The following DDX23 variants were observed in gnomAD, a reference collection of about 807,000 sequenced individuals.
The protein encoded by DDX23 is DEAD-box helicase 23.
DDX23 carries 33 observed loss-of-function variants against 102.7 expected under a neutral mutation model. The observed-to-expected ratio is 0.32, with a 90% CI of 0.24 to 0.43. The LOEUF (loss-of-function observed/expected upper bound fraction) is 0.43. Among genes scored for constraint, DDX23 ranks in the 20% least tolerant of loss-of-function variants. The probability of loss-of-function intolerance (pLI) is 1.00; values close to 1 mark genes in which losing one functional copy is unlikely to be tolerated. For synonymous variants in DDX23, 352 were observed against 376.0 expected (o/e 0.94, Z 0.74); for missense variants, 549 against 1,086.6 (o/e 0.51, Z 6.96).
At chr12:48,843,840 GC>G (rs781572379) in intron 3 of DDX23, 99 bp downstream of exon 3, 5 of 1,331,406 alleles carry the variant, frequency 3.8e-6, no homozygotes, top group Non-Finnish European at 5.4e-6. Flanking sequence ...GAGCCACCAC[GC>G]CTGGCGAGAA....
At chr12:48,848,308 C>A (rs762969232) in intron 1 of DDX23, among the ~76,000 whole-genome samples, 1,325 of 119,674 alleles carry the variant, frequency 0.011, 11 homozygotes, top group African/African-American at 0.024. Context: ...AAACAAAAAA[C>A]AAAAAAAAAA....
chr12:48,836,718 C>T lies in DDX23; in HGVS notation c.1087G>A (p.Asp363Asn). 6.2e-7 allele frequency: 1 copy of T among 1,614,248 alleles called. No homozygotes were observed. Among genetic ancestry groups the T allele is most frequent in the South Asian group, 1.1e-5 (1 of 91,086 alleles). ...CGCCAGTCCCTGTCCGTCATCTCAT[C>T]TAACTTTTTCTGAGACCAATGACGA... is the stretch of plus-strand genomic sequence containing the variant. Reference protein sequence around the residue: ...DDRHWSQKKLDEMTDRDWRIF... With the variant: ...DDRHWSQKKLNEMTDRDWRIF... Residue 363 changes from aspartate to asparagine, a missense_variant, in exon 10 of 17, where the codon GAT (aspartate) becomes AAT (asparagine). Around this residue, in one of 4 missense-constraint regions of DDX23, gnomAD observed 270 missense variants for 707.0 expected, o/e 0.38. Transcript: ENST00000308025. The surrounding 1 kb of genome is among the most constrained non-coding windows in gnomAD (Gnocchi z 6.1).
intron 1 of DDX23, among the ~76,000 whole-genome samples, chr12:48,848,143 G>A (rs565343682): frequency 8.5e-5 from 13 of 152,128 alleles, no homozygotes; most frequent in Admixed American, 2.0e-4. Flanking sequence ...AAAATTAGCC[G>A]GGCGTGGTGG....
At position 48,836,951 on chromosome 12, in the gene DDX23, C is replaced by A. The variant is rs756597918; in HGVS notation, c.953G>T (p.Arg318Leu). 6.2e-7 allele frequency: 1 copy of A among 1,614,024 alleles called. No individual in the cohort carries two copies. Among genetic ancestry groups the A allele is most frequent in the African/African-American group, 1.3e-5 (1 of 75,032 alleles). Residue 318 changes from arginine to leucine, a missense_variant, in exon 9 of 17, where the codon CGT (arginine) becomes CTT (leucine). Coordinates refer to ENST00000308025, the MANE Select transcript of DDX23 (RefSeq NM_004818.3). This position sits in a 1 kb window ranked among gnomAD's most constrained non-coding sequence, Gnocchi z 6.1. Reference protein sequence around the residue: ...DLKQQKREQSRFYGDLMEKRR... With the variant: ...DLKQQKREQSLFYGDLMEKRR... The stretch of plus-strand genomic sequence containing the variant: ...CTTCTCCATTAGGTCTCCATAGAAA[C>A]GTGACTGCTCTCGCTTCTGCTGCTT...
Position 48,836,830 on chromosome 12 carries a change from C to T in DDX23, c.1011-36G>A, listed in dbSNP as rs748786688. 80 of 1,612,568 alleles carry T rather than the reference C, an allele frequency of 5.0e-5. No homozygotes were observed. Among genetic ancestry groups the T allele is most frequent in the Non-Finnish European group, 6.7e-5 (79 of 1,178,928 alleles). On this transcript the variant is annotated intron_variant, in intron 9 of 16. Coordinates refer to ENST00000308025, the MANE Select transcript of DDX23 (RefSeq NM_004818.3). The surrounding 1 kb of genome is among the most constrained non-coding windows in gnomAD (Gnocchi z 6.1). ...GTGTGAGGAGTAAGTAGAATCAGTG[C>T]CCTCCAACTCCTTTCTGTAGAGCCT...
At position 48,834,414 on chromosome 12, in the gene DDX23, A is replaced by G; in HGVS notation, c.1466T>C (p.Ile489Thr). The change falls in exon 12 of 17, where the codon ATC (isoleucine) becomes ACC (threonine). Residue 489 changes from isoleucine to threonine, a missense_variant. This residue lies in a region of DDX23 where 270 missense variants were observed against 707.0 expected (regional missense o/e 0.38). Coordinates refer to ENST00000308025, the MANE Select transcript of DDX23 (RefSeq NM_004818.3). Reference sequence around the variant, plus strand: ...GATACCTAGCGGTTTCCCAAACTTGATGGTCTCTTCCTCAATCTGTTGAGC... The same window carrying G: ...GATACCTAGCGGTTTCCCAAACTTGGTGGTCTCTTCCTCAATCTGTTGAGC... The part of the protein sequence containing the change: ...ELAQQIEEET[I>T]KFGKPLGIRT... 1 of 1,614,108 alleles carries G rather than the reference A, an allele frequency of 6.2e-7. No homozygotes were observed. Among genetic ancestry groups the G allele is most frequent in the Non-Finnish European group, 8.5e-7 (1 of 1,180,020 alleles).
In DDX23 at chr12:48,840,005, T is replaced by C; in HGVS notation, c.414+8A>G. On this transcript the variant is annotated splice_region_variant and intron_variant, in intron 4 of 16. Transcript: ENST00000308025. ...TTGAAGATGAAAAATATCCTTCCTC[T>C]CCTTTACCTTAGGCTTCTTATCACC... The C allele has an allele frequency of 6.2e-7, 1 of 1,613,536 alleles. No homozygotes were observed. The highest frequency in any genetic ancestry group is 1.3e-5 in the African/African-American group (1 of 75,034).
intron 1 of DDX23, among the ~76,000 whole-genome samples, chr12:48,847,890 GT>G (rs1938694208): frequency 6.6e-6 from 1 of 152,206 alleles, no homozygotes; most frequent in African/African-American, 2.4e-5. Context: ...TATTTTCTCT[GT>G]ACAGCATCCT....
intron 1 of DDX23, 123 bp from the exon 2 acceptor site, chr12:48,845,905 T>C (rs1454314737): frequency 1.9e-6 from 2 of 1,076,950 alleles, no homozygotes; most frequent in African/African-American, 3.2e-5. Context: ...ACCGTACAGA[T>C]GAGAACGGTG....
Position 48,836,333 on chromosome 12 carries a change from G to A in DDX23, c.1237-67C>T. On this transcript the variant is annotated intron_variant, in intron 10 of 16. Transcript: ENST00000308025. The surrounding 1 kb of genome is among the most constrained non-coding windows in gnomAD (Gnocchi z 6.1). ...TATACCACCTGGGCAACCACTGATAGTAGTAAGCACATCTGCTAGCACAAT... is the reference window on the plus strand; with the variant it reads ...TATACCACCTGGGCAACCACTGATAATAGTAAGCACATCTGCTAGCACAAT... 1.3e-6 allele frequency: 2 copies of A among 1,557,596 alleles called. No individual in the cohort carries two copies. The highest frequency in any genetic ancestry group is 2.3e-5 in the East Asian group (1 of 44,366).
At position 48,839,662 on chromosome 12, in the gene DDX23, A is replaced by G. The variant is rs980136706; in HGVS notation, c.480+182T>C. 1.3e-5 allele frequency: 8 copies of G among 608,688 alleles called. No individual in the cohort carries two copies. In the African/African-American group the frequency reaches 1.5e-4, roughly 11 times the overall value. The allele number at this position is 608,688 out of a possible 1,614,324, so 37.7% of individuals were successfully genotyped here. A position where few individuals can be genotyped will look rare whatever the true frequency, so the allele number is the denominator to read the frequency against. ...GGAGGACCATGTGAAGAGCTGAGGA[A>G]GAAGACAGCCTTATAAGCCAAGGAG... On this transcript the variant is annotated intron_variant, in intron 5 of 16. Coordinates refer to ENST00000308025, the MANE Select transcript of DDX23 (RefSeq NM_004818.3).
intron 11 of DDX23, 23 bp from the exon 12 acceptor site, chr12:48,834,520 C>T (rs200149248): frequency 1.2e-6 from 2 of 1,605,006 alleles, no homozygotes; most frequent in South Asian, 1.1e-5. Flanking sequence ...GGGTGCCCCA[C>T]AGCTTCGTGA....
At chr12:48,840,830 G>GC (rs1938538417) in intron 3 of DDX23, among the ~76,000 whole-genome samples, 2 of 151,772 alleles carry the variant, frequency 1.3e-5, no homozygotes, top group South Asian at 4.2e-4. Flanking sequence ...TAGGATTACA[G>GC]GTGTGAGCCA....
intron 3 of DDX23, among the ~76,000 whole-genome samples, chr12:48,840,803 T>A (rs1403484149): frequency 6.6e-6 from 1 of 150,574 alleles, no homozygotes; most frequent in African/African-American, 2.5e-5. Context: ...TACATCCACC[T>A]CGGCCACCCA....
At chr12:48,842,214 G>C (rs919142440) in intron 3 of DDX23, among the ~76,000 whole-genome samples, 2 of 151,308 alleles carry the variant, frequency 1.3e-5, no homozygotes, top group Non-Finnish European at 3.0e-5. Context: ...GCCCCGTCCA[G>C]GAGGGAGGTG....
At chr12:48,849,236 C>T (rs559105394) in intron 1 of DDX23, among the ~76,000 whole-genome samples, 1 of 152,196 alleles carries the variant, frequency 6.6e-6, no homozygotes, top group African/African-American at 2.4e-5. Flanking sequence ...GTGGCTCATG[C>T]CTGTAGTACC....
intron 1 of DDX23, among the ~76,000 whole-genome samples, chr12:48,851,811 T>C (rs1747407364): frequency 6.6e-6 from 1 of 152,182 alleles, no homozygotes; most frequent in Non-Finnish European, 1.5e-5. Context: ...CATGAAAGAA[T>C]AAGGTCAGAC....
chr12:48,834,376 C>T lies in DDX23; in HGVS notation c.1504G>A (p.Val502Ile), dbSNP rs1349117153. ...GKPLGIRTVAVIGGISREDQG... is the reference protein window; with the variant it reads ...GKPLGIRTVAIIGGISREDQG... ...TCTTCTCTGGAGATGCCACCAATGA[C>T]AGCCACAGTGCGGATACCTAGCGGT... The change falls in exon 12 of 17, where the codon GTC (valine) becomes ATC (isoleucine). Residue 502 changes from valine to isoleucine, a missense_variant. By Grantham distance (29) the Val-to-Ile change is conservative. Transcript: ENST00000308025. The T allele has an allele frequency of 6.2e-7, 1 of 1,614,084 alleles. No individual in the cohort carries two copies. Among genetic ancestry groups the T allele is most frequent in the Admixed American group, 1.7e-5 (1 of 60,002 alleles).
intron 1 of DDX23, among the ~76,000 whole-genome samples, chr12:48,846,873 A>G (rs932114786): frequency 3.9e-5 from 6 of 152,044 alleles, no homozygotes; most frequent in Non-Finnish European, 5.9e-5. Flanking sequence ...CCACTCCCAC[A>G]CTGTCAACTC....
Sources: allele counts gnomAD v4.1 joint callset (sites outside exome capture counted in the v4.1 genomes callset), GRCh38; gene constraint gnomAD v4.1.1; regional missense constraint gnomAD v4.1.1; non-coding constraint Gnocchi (gnomAD v3.1); transcripts MANE v1.5; gene names NCBI Gene and HGNC (gene_info 2026-07-23, HGNC 2026-07-21).